VSTM4: variants seen among roughly 807,000 people sequenced by gnomAD.
VSTM4 encodes the protein V-set and transmembrane domain containing 4.
In VSTM4, 20 loss-of-function variants were observed where a neutral mutation model predicts 36.4. That is an observed-to-expected ratio of 0.55 (90% CI 0.39 to 0.80). The LOEUF (loss-of-function observed/expected upper bound fraction) is 0.80. Among genes scored for constraint, VSTM4 ranks in the 30% least tolerant of loss-of-function variants. VSTM4 has a pLI of 0.00. For missense variants in VSTM4, 392 were observed against 404.5 expected, an observed-to-expected ratio of 0.97 and a Z score of 0.26; for synonymous variants, 182 against 173.9, an observed-to-expected ratio of 1.05 and a Z score of -0.37.
At chr10:49,067,732 A>T (rs1250700915) in intron 4 of VSTM4, among the ~76,000 whole-genome samples, 1 of 152,208 alleles carries the variant, frequency 6.6e-6, no homozygotes, top group East Asian at 1.9e-4. Context: ...GCCATGCAGT[A>T]TGTGGTACTT....
At chr10:49,035,464 A>T (rs2131945695) in intron 7 of VSTM4, among the ~76,000 whole-genome samples, 1 of 152,288 alleles carries the variant, frequency 6.6e-6, no homozygotes, top group South Asian at 2.1e-4. Context: ...CTCTGTTGGT[A>T]GCAATCTGCA....
intron 2 of VSTM4, among the ~76,000 whole-genome samples, chr10:49,094,596 T>C (rs1844536064): frequency 6.6e-6 from 1 of 152,174 alleles, no homozygotes; most frequent in African/African-American, 2.4e-5. Flanking sequence ...ATGTGAAGTA[T>C]GCAGAAGAAA....
In VSTM4 at chr10:49,017,753, A is replaced by G. The variant is rs1843124674; in HGVS notation, c.*1897T>C. ...GGCACCCCCAGAGCCCCACAAACCCATAAGGCTCTTTGGGCAAATTAGGAG... is the reference window on the plus strand; with the variant it reads ...GGCACCCCCAGAGCCCCACAAACCCGTAAGGCTCTTTGGGCAAATTAGGAG... On this transcript the variant is annotated 3_prime_UTR_variant, in exon 8 of 8. Coordinates refer to ENST00000332853, the MANE Select transcript of VSTM4 (RefSeq NM_001031746.5). 1 of 152,170 alleles carries G rather than the reference A, an allele frequency of 6.6e-6. No homozygotes were observed. The allele number at this position is 152,170 out of a possible 1,614,324, so 9.4% of individuals were successfully genotyped here.
chr10:49,105,438 G>A (rs1208598362), intron 2 of VSTM4, among the ~76,000 whole-genome samples: 1 of 151,854 alleles, frequency 6.6e-6, no homozygotes, highest in East Asian at 1.9e-4. Flanking sequence ...GACAGAGAGA[G>A]AGGAAAGACG....
chr10:49,074,828 GGCTTGGGAACCCA>G (rs1844145569), intron 4 of VSTM4, among the ~76,000 whole-genome samples: 1 of 152,166 alleles, frequency 6.6e-6, no homozygotes, highest in African/African-American at 2.4e-5. Flanking sequence ...AAACATGAGA[GGCTTGGGAACCCA>G]GCTTGGAAAC....
chr10:49,024,255 G>A (rs1455798188), intron 7 of VSTM4, among the ~76,000 whole-genome samples: 2 of 152,060 alleles, frequency 1.3e-5, no homozygotes, highest in African/African-American at 4.8e-5. Context: ...TTGTTTCATG[G>A]ACCCTTAGTC....
intron 5 of VSTM4, among the ~76,000 whole-genome samples, chr10:49,051,247 T>C (rs899897022): frequency 5.9e-5 from 9 of 152,174 alleles, no homozygotes; most frequent in Non-Finnish European, 1.0e-4. Flanking sequence ...CAGCGATCTT[T>C]TAACGTCTCC....
At chr10:49,103,758 AAGG>A in intron 2 of VSTM4, 1 of 1,614,010 alleles carries the variant, frequency 6.2e-7, no homozygotes, top group South Asian at 1.1e-5. Flanking sequence ...ACTCTGCAGG[AAGG>A]AGGCCATGGT....
rs935017065 is a variant in VSTM4 at position 49,088,019 on chromosome 10, A to G, written c.458-1996T>C. Among the ~76,000 whole-genome samples the G allele has an allele frequency of 6.1e-5, 9 of 148,452 alleles. No homozygotes were observed. The South Asian group carries it at 1.9e-3, about 31-fold the overall frequency. ...ATATACACATGTAATATATGTATAT[A>G]TACATATATATGTAATTATATAATA... On this transcript the variant is annotated intron_variant, in intron 2 of 7. Transcript: ENST00000332853.
chr10:49,102,790 T>C (rs1398033236), intron 2 of VSTM4: 4 of 980,414 alleles, frequency 4.1e-6, no homozygotes, highest in Admixed American at 6.1e-5. Context: ...AAGTATCTAT[T>C]GAGGATCAAC....
At chr10:49,084,329 A>G (rs1474839955) in intron 3 of VSTM4, among the ~76,000 whole-genome samples, 1 of 152,226 alleles carries the variant, frequency 6.6e-6, no homozygotes, top group Non-Finnish European at 1.5e-5. Context: ...AATACAAAGA[A>G]TCACTGTTGG....
At chr10:49,086,552 G>A (rs975636704) in intron 2 of VSTM4, among the ~76,000 whole-genome samples, 3 of 152,184 alleles carry the variant, frequency 2.0e-5, no homozygotes, top group African/African-American at 4.8e-5. Context: ...CATTTTGCCT[G>A]CTTTCAACAG....
At chr10:49,104,362 G>A (rs1183746847) in intron 2 of VSTM4, among the ~76,000 whole-genome samples, 1 of 152,178 alleles carries the variant, frequency 6.6e-6, no homozygotes, top group Admixed American at 6.5e-5. Flanking sequence ...GGCCGTTGGA[G>A]AGGAGCAAGG....
At chr10:49,067,140 T>C (rs555273482) in intron 4 of VSTM4, among the ~76,000 whole-genome samples, 72 of 152,330 alleles carry the variant, frequency 4.7e-4, no homozygotes, top group Middle Eastern at 6.8e-3. Flanking sequence ...ATGTCAAAGA[T>C]GGAAATTACA....
At chr10:49,024,801 A>G (rs1843232761) in intron 7 of VSTM4, among the ~76,000 whole-genome samples, 1 of 152,214 alleles carries the variant, frequency 6.6e-6, no homozygotes. Context: ...AACTTTGTGA[A>G]CTAAGTAGCC....
Position 49,089,364 on chromosome 10 carries a change from G to C in VSTM4, c.458-3341C>G, listed in dbSNP as rs566184272. Among the ~76,000 whole-genome samples, 5 of 152,150 alleles carry C rather than the reference G, an allele frequency of 3.3e-5. No individual in the cohort carries two copies. The South Asian group carries it at 6.2e-4, about 19-fold the overall frequency. ...CTTTGTTGTCAGTCCTTTGCCTCAG[G>C]GGGTGACTCTTCAATCTCTACACCT... On this transcript the variant is annotated intron_variant, in intron 2 of 7. Transcript: ENST00000332853.
chr10:49,029,690 T>C (rs1035573746), intron 7 of VSTM4, among the ~76,000 whole-genome samples: 1 of 151,934 alleles, frequency 6.6e-6, no homozygotes, highest in Non-Finnish European at 1.5e-5. Context: ...ACAGGGAAAA[T>C]AGTGAAAAGC....
At chr10:49,057,254 G>A (rs1169912630) in intron 5 of VSTM4, among the ~76,000 whole-genome samples, 2 of 152,100 alleles carry the variant, frequency 1.3e-5, no homozygotes, top group African/African-American at 4.8e-5. Flanking sequence ...AATGACAGAG[G>A]GCTAGTCATT....
chr10:49,108,510 C>T (rs1025069164), intron 1 of VSTM4, among the ~76,000 whole-genome samples: 12 of 152,202 alleles, frequency 7.9e-5, no homozygotes, highest in Non-Finnish European at 1.2e-4. Flanking sequence ...GTGGCCTGTC[C>T]ACCAGGAAGC....
Sources: allele counts gnomAD v4.1 joint callset (sites outside exome capture counted in the v4.1 genomes callset), GRCh38; gene constraint gnomAD v4.1.1; transcripts MANE v1.5; gene names NCBI Gene and HGNC (gene_info 2026-07-23, HGNC 2026-07-21).